SLC22A23: variants seen among roughly 807,000 people sequenced by gnomAD.
SLC22A23 encodes ion transporter protein.
A neutral mutation model predicts 61.0 loss-of-function variants in SLC22A23; 26 were observed. That is an observed-to-expected ratio of 0.43 (90% CI 0.31 to 0.59). The LOEUF is 0.59. Among genes scored for constraint, SLC22A23 ranks in the 20% least tolerant of loss-of-function variants. The probability of loss-of-function intolerance (pLI) is 0.11; values close to 1 mark genes in which losing one functional copy is unlikely to be tolerated. For missense variants in SLC22A23, 796 were observed against 934.7 expected (o/e 0.85, Z 1.94); for synonymous variants, 430 against 413.9 (o/e 1.04, Z -0.47).
At chr6:3,371,399 A>G (rs1019550756) in intron 3 of SLC22A23, among the ~76,000 whole-genome samples, 16 of 152,382 alleles carry the variant, frequency 1.0e-4, no homozygotes, top group Non-Finnish European at 2.2e-4. Context: ...GAAATTTCCT[A>G]AATTTTCATG....
chr6:3,421,870 A>AG lies in SLC22A23; in HGVS notation c.655-6016_655-6015insC, dbSNP rs1170862932. The stretch of plus-strand genomic sequence containing the variant: ...CAGGCCTACAGGAAGCTTATTCTGA[A>AG]AGTGACTGGGAACAAACCACGTCTT... On this transcript the variant is annotated intron_variant, in intron 1 of 9. Transcript: ENST00000406686. 2.0e-5 allele frequency among the ~76,000 whole-genome samples: 3 copies of AG among 152,242 alleles called. No individual in the cohort carries two copies. In the East Asian group the frequency reaches 5.8e-4, roughly 29 times the overall value.
rs886500594 is a variant in SLC22A23, at chr6:3,330,732, C to A, written c.914-6730G>T. On this transcript the variant is annotated intron_variant, in intron 3 of 9. Coordinates refer to ENST00000406686, the MANE Select transcript of SLC22A23 (RefSeq NM_015482.2). This position sits in a 1 kb window ranked among gnomAD's most constrained non-coding sequence, Gnocchi z 4.7. Reference sequence around the variant, plus strand: ...CATTACAGCTCTACATCTCCCCTTCCGCGTGGAAGGCGTCCTCTTTCCTCT... The same window carrying A: ...CATTACAGCTCTACATCTCCCCTTCAGCGTGGAAGGCGTCCTCTTTCCTCT... Among the ~76,000 whole-genome samples the A allele has an allele frequency of 6.6e-6, 1 of 152,196 alleles. No homozygotes were observed. The highest frequency in any genetic ancestry group is 1.5e-5 in the Non-Finnish European group (1 of 68,038).
chr6:3,399,889 T>C (rs1366852531), intron 3 of SLC22A23, among the ~76,000 whole-genome samples: 1 of 152,208 alleles, frequency 6.6e-6, no homozygotes, highest in Non-Finnish European at 1.5e-5. Context: ...ATTGCATTTA[T>C]TTTTTTGAGA....
At chr6:3,436,297 A>C (rs963914300) in intron 1 of SLC22A23, among the ~76,000 whole-genome samples, 2 of 151,924 alleles carry the variant, frequency 1.3e-5, no homozygotes, top group Non-Finnish European at 2.9e-5. Context: ...CACCACGTCC[A>C]GCTATTTTTT....
chr6:3,372,952 G>T lies in SLC22A23; in HGVS notation c.913+37236C>A, dbSNP rs1208574609. On this transcript the variant is annotated intron_variant, in intron 3 of 9. Coordinates refer to ENST00000406686, the MANE Select transcript of SLC22A23 (RefSeq NM_015482.2). The surrounding 1 kb of genome is among the most constrained non-coding windows in gnomAD (Gnocchi z 4.7). ...GCCTTCAGCCTATGTTATCATGCAG[G>T]AAAGAATTAACCCATGAGTTCTGAG... is the stretch of plus-strand genomic sequence containing the variant. 1.3e-5 allele frequency among the ~76,000 whole-genome samples: 2 copies of T among 152,334 alleles called. No homozygotes were observed. The highest frequency in any genetic ancestry group is 3.9e-4 in the East Asian group (2 of 5,190).
intron 4 of SLC22A23, among the ~76,000 whole-genome samples, chr6:3,310,255 C>G (rs1312930769): frequency 6.6e-6 from 1 of 151,226 alleles, no homozygotes; most frequent in South Asian, 2.1e-4. Context: ...TCCCAGGGAG[C>G]ACCCTGTCTC....
chr6:3,443,514 G>T (rs1001598506), intron 1 of SLC22A23, among the ~76,000 whole-genome samples: 13 of 152,170 alleles, frequency 8.5e-5, no homozygotes, highest in African/African-American at 3.1e-4. Context: ...TAGCCAGCAG[G>T]TGAGTTACAT....
intron 3 of SLC22A23, among the ~76,000 whole-genome samples, chr6:3,388,863 T>C (rs913380519): frequency 4.6e-5 from 7 of 152,076 alleles, no homozygotes; most frequent in African/African-American, 1.7e-4. Flanking sequence ...CCTAGCGTTG[T>C]CAAATTCAAA....
chr6:3,381,570 C>T (rs1766954194), intron 3 of SLC22A23, among the ~76,000 whole-genome samples: 1 of 152,196 alleles, frequency 6.6e-6, no homozygotes, highest in African/African-American at 2.4e-5. Context: ...AGTGGGGACT[C>T]TCCAGCCAGA....
intron 3 of SLC22A23, among the ~76,000 whole-genome samples, chr6:3,369,994 C>A (rs1766103681): frequency 6.6e-6 from 1 of 152,150 alleles, no homozygotes; most frequent in African/African-American, 2.4e-5. Context: ...TGAGCATCAC[C>A]CTTCTCTTTT....
Position 3,329,202 on chromosome 6 carries a change from T to C in SLC22A23, c.914-5200A>G, listed in dbSNP as rs561662904. On this transcript the variant is annotated intron_variant, in intron 3 of 9. Transcript: ENST00000406686. This position sits in a 1 kb window ranked among gnomAD's most constrained non-coding sequence, Gnocchi z 4.8. ...ACAAACACACACACCGATCTAACTGTTCATTGGATTCAGTGATTATAAATA... is the reference window on the plus strand; with the variant it reads ...ACAAACACACACACCGATCTAACTGCTCATTGGATTCAGTGATTATAAATA... 1.4e-4 allele frequency among the ~76,000 whole-genome samples: 22 copies of C among 152,188 alleles called. No individual in the cohort carries two copies. In the South Asian group the frequency reaches 4.6e-3, roughly 32 times the overall value.
chr6:3,391,944 T>G (rs1473076595), intron 3 of SLC22A23, among the ~76,000 whole-genome samples: 4 of 152,168 alleles, frequency 2.6e-5, no homozygotes, highest in African/African-American at 4.8e-5. Flanking sequence ...GAAAGATCCA[T>G]CTGGCTGGAC....
chr6:3,382,201 C>T (rs925059686), intron 3 of SLC22A23, among the ~76,000 whole-genome samples: 3 of 152,202 alleles, frequency 2.0e-5, no homozygotes, highest in African/African-American at 4.8e-5. Flanking sequence ...CCTCAGTATG[C>T]ACAGCCAGCC....
intron 3 of SLC22A23, among the ~76,000 whole-genome samples, chr6:3,400,129 C>T (rs557600769): frequency 6.6e-6 from 1 of 152,198 alleles, no homozygotes; most frequent in African/African-American, 2.4e-5. Context: ...CCACCCGCCT[C>T]GGCCTCCCAA....
chr6:3,389,661 C>G (rs946178742), intron 3 of SLC22A23, among the ~76,000 whole-genome samples: 2 of 152,242 alleles, frequency 1.3e-5, no homozygotes, highest in African/African-American at 4.8e-5. Flanking sequence ...CTCCATGAAG[C>G]CCTAAACTCC....
intron 1 of SLC22A23, among the ~76,000 whole-genome samples, chr6:3,443,525 C>T (rs1424873888): frequency 6.6e-6 from 1 of 152,142 alleles, no homozygotes; most frequent in Non-Finnish European, 1.5e-5. Flanking sequence ...TGAGTTACAT[C>T]CTGAGTCTCT....
intron 1 of SLC22A23, among the ~76,000 whole-genome samples, chr6:3,437,305 G>T (rs1375583717): frequency 6.6e-6 from 1 of 152,040 alleles, no homozygotes; most frequent in African/African-American, 2.4e-5. Context: ...TTCCCTCATA[G>T]TCTTGACAAT....
intron 3 of SLC22A23, among the ~76,000 whole-genome samples, chr6:3,383,693 G>A (rs1344584189): frequency 6.6e-6 from 1 of 152,158 alleles, no homozygotes; most frequent in African/African-American, 2.4e-5. Context: ...TCACAGGAGA[G>A]TGTTCTGGCG....
At position 3,336,193 on chromosome 6, in the gene SLC22A23, T is replaced by G. The variant is rs190562489; in HGVS notation, c.914-12191A>C. On this transcript the variant is annotated intron_variant, in intron 3 of 9. Coordinates refer to ENST00000406686, the MANE Select transcript of SLC22A23 (RefSeq NM_015482.2). ...TTTGCACCTCACCTAACTCAGCAGT[T>G]AAGCAAATGTTTCCCAAGAAGGTGG... 3.0e-3 allele frequency among the ~76,000 whole-genome samples: 454 copies of G among 152,284 alleles called. 3 individuals carry two copies. The highest frequency in any genetic ancestry group is 4.6e-3 in the Non-Finnish European group (314 of 68,018).
Sources: gnomAD v4.1 joint callset for allele counts (sites outside exome capture counted in the v4.1 genomes callset) on GRCh38, gnomAD v4.1.1 for gene constraint, Gnocchi (gnomAD v3.1) non-coding constraint, MANE v1.5 for transcripts, NCBI Gene and HGNC (gene_info 2026-07-23, HGNC 2026-07-21) for gene names.